The following SLC4A5 variants were observed in gnomAD, a reference collection of about 807,000 sequenced individuals.
The protein encoded by SLC4A5 is solute carrier family 4 member 5.
SLC4A5 carries 96 observed loss-of-function variants against 120.4 expected under a neutral mutation model. The observed-to-expected ratio is 0.80, with a 90% CI of 0.68 to 0.94. SLC4A5 has a LOEUF of 0.94. SLC4A5 is among the 40% of genes least tolerant of loss of function. The pLI is 0.00. For synonymous variants in SLC4A5, 550 were observed against 571.1 expected (o/e 0.96, Z 0.53); for missense variants, 1,259 against 1,459.5 (o/e 0.86, Z 2.24).
intron 12 of SLC4A5, among the ~76,000 whole-genome samples, chr2:74,259,145 G>A (rs1462500132): frequency 1.3e-5 from 2 of 152,174 alleles, no homozygotes; most frequent in African/African-American, 2.4e-5. Flanking sequence ...GAGACCACAG[G>A]AAGAAGATGC....
intron 12 of SLC4A5, among the ~76,000 whole-genome samples, chr2:74,257,851 G>A (rs976585354): frequency 6.6e-6 from 1 of 152,166 alleles, no homozygotes; most frequent in African/African-American, 2.4e-5. Context: ...TGGAATTACA[G>A]GTGTGTGCCA....
Position 74,229,104 on chromosome 2 carries a change from C to CTTTTTTT in SLC4A5, c.2848-1233_2848-1227dup, listed in dbSNP as rs55689286. ...AAAGAAGTCTGTTCTTAGATTTGAG[C>CTTTTTTT]TTTTTTTTTTTTCTTGAGACAGAGT... On this transcript the variant is annotated intron_variant, in intron 25 of 30. Transcript: ENST00000394019. 1.3e-4 allele frequency among the ~76,000 whole-genome samples: 13 copies of CTTTTTTT among 98,586 alleles called. 6 individuals are homozygous for CTTTTTTT. Among genetic ancestry groups the CTTTTTTT allele is most frequent in the African/African-American group, 1.8e-4 (4 of 22,068 alleles). 64.7% of individuals were successfully genotyped at this position (98,586 alleles called of 152,430 possible). A position where few individuals can be genotyped will look rare whatever the true frequency, so the allele number is the denominator to read the frequency against.
At chr2:74,254,659 T>C (rs1286913066) in exon 14 of SLC4A5, 6 of 1,613,936 alleles carry the variant, frequency 3.7e-6, no homozygotes, top group South Asian at 2.2e-5. Flanking sequence ...GCCAATTTCA[T>C]TGTAGGATTT....
In SLC4A5 at chr2:74,306,711, C is replaced by G; in HGVS notation, c.80-2031G>C. Reference sequence around the variant, plus strand: ...GGCCTCCTGCTCCCCAAAGGGTACCCTGCTTCTGCTGGCTTAATGTCTCAG... The same window carrying G: ...GGCCTCCTGCTCCCCAAAGGGTACCGTGCTTCTGCTGGCTTAATGTCTCAG... On this transcript the variant is annotated intron_variant, in intron 6 of 30. Transcript: ENST00000394019. 2.5e-6 allele frequency: 3 copies of G among 1,192,332 alleles called. No homozygotes were observed. The South Asian group carries it at 3.8e-5, about 15-fold the overall frequency. 73.9% of individuals were successfully genotyped at this position (1,192,332 alleles called of 1,614,324 possible).
intron 2 of SLC4A5, among the ~76,000 whole-genome samples, chr2:74,340,435 T>C (rs1418978434): frequency 6.6e-6 from 1 of 152,048 alleles, no homozygotes; most frequent in Admixed American, 6.6e-5. Context: ...TGAGCAGCGA[T>C]GAAAGGCTGA....
chr2:74,288,529 A>G (rs773589107), intron 7 of SLC4A5, among the ~76,000 whole-genome samples: 15 of 152,138 alleles, frequency 9.9e-5, no homozygotes, highest in South Asian at 2.1e-4. Flanking sequence ...CAGTTTCTTG[A>G]TATTTTCCCT....
At chr2:74,315,649 C>T (rs1019123730) in intron 5 of SLC4A5, among the ~76,000 whole-genome samples, 18 of 150,592 alleles carry the variant, frequency 1.2e-4, no homozygotes, top group South Asian at 2.1e-4. Flanking sequence ...TATATATATG[C>T]GCCAGGTGTG....
At chr2:74,330,144 G>T (rs1208039413) in intron 4 of SLC4A5, among the ~76,000 whole-genome samples, 1 of 150,518 alleles carries the variant, frequency 6.6e-6, no homozygotes. Flanking sequence ...GTAGATGGAG[G>T]TGGTGATATC....
chr2:74,238,477 C>A (rs1475823818), intron 21 of SLC4A5, among the ~76,000 whole-genome samples: 2 of 151,974 alleles, frequency 1.3e-5, no homozygotes, highest in Non-Finnish European at 1.5e-5. Context: ...GATATAAAGA[C>A]TTATAAGCTA....
intron 27 of SLC4A5, among the ~76,000 whole-genome samples, chr2:74,226,259 C>A (rs1341690282): frequency 6.6e-6 from 1 of 152,166 alleles, no homozygotes; most frequent in African/African-American, 2.4e-5. Context: ...TTACTTTGTC[C>A]CCTACCCCAG....
At chr2:74,248,297 C>T (rs2103976866) in intron 18 of SLC4A5, 56 bp downstream of exon 18, 1 of 1,599,884 alleles carries the variant, frequency 6.3e-7, no homozygotes, top group Admixed American at 1.7e-5. Flanking sequence ...GCCCTAGCCC[C>T]AGCATACTGC....
rs555520271 is a variant in SLC4A5, at chr2:74,308,728, C to T, written c.80-4048G>A. The stretch of plus-strand genomic sequence containing the variant: ...CAGAAGTTTTCAATTTTAACAGAGT[C>T]CAGCTTATCATTTTTTTTTTTTCAT... On this transcript the variant is annotated intron_variant, in intron 6 of 30. Coordinates refer to ENST00000394019, the Ensembl canonical transcript of SLC4A5. Among the ~76,000 whole-genome samples, 3 of 148,362 alleles carry T rather than the reference C, an allele frequency of 2.0e-5. No individual in the cohort carries two copies. The East Asian group carries it at 6.3e-4, about 31-fold the overall frequency.
intron 10 of SLC4A5, among the ~76,000 whole-genome samples, chr2:74,262,457 T>A (rs1163055581): frequency 4.6e-5 from 7 of 151,216 alleles, no homozygotes; most frequent in Non-Finnish European, 1.0e-4. Flanking sequence ...CCCAGCACTT[T>A]GGGAGGCTGA....
chr2:74,303,016 C>CTG (rs10601390), intron 7 of SLC4A5, among the ~76,000 whole-genome samples: 21,943 of 144,822 alleles, frequency 0.15, 2,301 homozygotes, highest in African/African-American at 0.31. Context: ...CTGAGCAGGA[C>CTG]TGTGTGTGTG....
chr2:74,307,494 A>G (rs375660429), intron 6 of SLC4A5: 2 of 619,508 alleles, frequency 3.2e-6, no homozygotes, highest in Non-Finnish European at 3.0e-6. Context: ...AGACTAGCGC[A>G]TGGCCAGCTC....
rs116247723 is a variant in SLC4A5, at chr2:74,295,151, G to A, written c.272-9249C>T. Among the ~76,000 whole-genome samples, 642 of 151,712 alleles carry A rather than the reference G, an allele frequency of 4.2e-3. 4 individuals carry two copies. The highest frequency in any genetic ancestry group is 0.015 in the African/African-American group (625 of 41,346). ...AGTGTGTGTGTGTTGGAGAGGGGGC[G>A]CTGAGGAGAGGGGGCTCAGAAACCG... On this transcript the variant is annotated intron_variant, in intron 7 of 30. Coordinates refer to ENST00000394019, the Ensembl canonical transcript of SLC4A5.
intron 8 of SLC4A5, among the ~76,000 whole-genome samples, chr2:74,271,334 T>C (rs183155199): frequency 6.6e-6 from 1 of 152,312 alleles, no homozygotes; most frequent in Non-Finnish European, 1.5e-5. Flanking sequence ...TCTAGGACAG[T>C]GATTCTTAAG....
chr2:74,229,012 G>C (rs895841710), intron 25 of SLC4A5, among the ~76,000 whole-genome samples: 14 of 151,770 alleles, frequency 9.2e-5, no homozygotes. Flanking sequence ...GGTCATGTTA[G>C]AGCACTCCGG....
chr2:74,237,420 G>GAGA (rs1670303614), intron 21 of SLC4A5, among the ~76,000 whole-genome samples: 1 of 152,170 alleles, frequency 6.6e-6, no homozygotes, highest in African/African-American at 2.4e-5. Flanking sequence ...CATAAGAGGA[G>GAGA]ATTGAGGGAT....
Sources: gnomAD v4.1 joint callset for allele counts (sites outside exome capture counted in the v4.1 genomes callset) on GRCh38, gnomAD v4.1.1 for gene constraint, MANE v1.5 for transcripts, NCBI Gene and HGNC (gene_info 2026-07-23, HGNC 2026-07-21) for gene names.